Variants in NTAN1 observed in about 807,000 individuals in gnomAD.
NTAN1 encodes protein N-terminal asparagine amidohydrolase.
NTAN1 carries 32 observed loss-of-function variants against 41.9 expected under a neutral mutation model. The ratio of observed to expected loss-of-function variants is 0.76; its 90% CI spans 0.58 to 1.03. The LOEUF (loss-of-function observed/expected upper bound fraction) is 1.03, where lower values mean the gene tolerates loss of function less well. Among genes scored for constraint, NTAN1 ranks in the 50% least tolerant of loss-of-function variants. The pLI is 0.00. For synonymous variants in NTAN1, 140 were observed against 139.5 expected, an observed-to-expected ratio of 1.00 and a Z score of -0.03; for missense variants, 377 against 377.5, an observed-to-expected ratio of 1.00 and a Z score of 0.01.
chr16:15,041,837 A>T (rs976391471), intron 5 of NTAN1, among the ~76,000 whole-genome samples, 161 bp from the exon 6 acceptor site: 3 of 152,194 alleles, frequency 2.0e-5, no homozygotes, highest in Non-Finnish European at 2.9e-5. Context: ...GGGGCCAGAC[A>T]CTAGGGAGCT....
At chr16:15,054,476 T>C (rs1314988828) in intron 1 of NTAN1, among the ~76,000 whole-genome samples, 1 of 152,190 alleles carries the variant, frequency 6.6e-6, no homozygotes, top group African/African-American at 2.4e-5. Context: ...GCGGCTGAAA[T>C]TATTTTTCCT....
chr16:15,047,202 G>A (rs1024169662), intron 4 of NTAN1: 5 of 528,272 alleles, frequency 9.5e-6, no homozygotes, highest in Non-Finnish European at 1.7e-5. Context: ...ACGACATCAA[G>A]TTCAAAGTCA....
intron 8 of NTAN1, among the ~76,000 whole-genome samples, chr16:15,039,337 C>G (rs962797063): frequency 2.6e-5 from 4 of 152,162 alleles, no homozygotes; most frequent in African/African-American, 4.8e-5. Flanking sequence ...GTGAAAACAT[C>G]AGCATTTCAT....
At chr16:15,043,863 G>C (rs761666922) in intron 5 of NTAN1, among the ~76,000 whole-genome samples, 1 of 152,014 alleles carries the variant, frequency 6.6e-6, no homozygotes, top group Non-Finnish European at 1.5e-5. Context: ...CAAGAGAATT[G>C]CTTGAACCCA....
At chr16:15,039,134 G>A (rs2043689119) in intron 8 of NTAN1, among the ~76,000 whole-genome samples, 1 of 152,196 alleles carries the variant, frequency 6.6e-6, no homozygotes. Context: ...AAAAGAAGAA[G>A]CTAATTTGCC....
chr16:15,052,884 C>G (rs1242090084), intron 1 of NTAN1, among the ~76,000 whole-genome samples: 1 of 152,092 alleles, frequency 6.6e-6, no homozygotes, highest in Non-Finnish European at 1.5e-5. Flanking sequence ...CTGCGAGCAT[C>G]TTGTAGACTC....
intron 7 of NTAN1, 46 bp from the exon 8 acceptor site, chr16:15,040,112 C>G: frequency 1.8e-6 from 2 of 1,083,606 alleles, no homozygotes; most frequent in Non-Finnish European, 2.8e-6. Context: ...AAGACCAAAG[C>G]GGAAAGTCTG....
rs372855596 is a variant in NTAN1, at chr16:15,047,601, T to C, written c.251-51A>G. ...AAGTTATTCCCTGATGCGAGTGCAG[T>C]GCGCAGGCCGAGACTCCGCCTGTCC... On this transcript the variant is annotated intron_variant, in intron 3 of 9. Transcript: ENST00000287706. The C allele has an allele frequency of 2.7e-3, 3,625 of 1,335,896 alleles. 11 individuals carry two copies. The highest frequency in any genetic ancestry group is 3.7e-3 in the Non-Finnish European group (3,471 of 925,976). 82.8% of individuals were successfully genotyped at this position (1,335,896 alleles called of 1,614,324 possible).
Position 15,056,032 on chromosome 16 carries a change from G to C in NTAN1, c.-61C>G, listed in dbSNP as rs1267006547. 8 of 823,534 alleles carry C rather than the reference G, an allele frequency of 9.7e-6. No homozygotes were observed. Among genetic ancestry groups the C allele is most frequent in the African/African-American group, 5.5e-5 (3 of 54,860 alleles). 51.0% of individuals were successfully genotyped at this position (823,534 alleles called of 1,614,324 possible). On this transcript the variant is annotated 5_prime_UTR_variant, in exon 1 of 10. Transcript: ENST00000287706. ...GGCGGCCCCCCGCTTTGCAGCCCCG[G>C]GCCGCCCGCCGCCCCCGCCCCTCGG...
At chr16:15,039,256 G>C (rs1597746808) in intron 8 of NTAN1, among the ~76,000 whole-genome samples, 1 of 152,126 alleles carries the variant, frequency 6.6e-6, no homozygotes, top group African/African-American at 2.4e-5. Flanking sequence ...AACTAAACTA[G>C]GCCTGTTACA....
At chr16:15,049,900 T>C (rs2044231117) in intron 1 of NTAN1, among the ~76,000 whole-genome samples, 2 of 152,220 alleles carry the variant, frequency 1.3e-5, no homozygotes, top group African/African-American at 4.8e-5. Flanking sequence ...AAAAATGTTT[T>C]AAAGAGCTAT....
At chr16:15,047,169 A>G (rs1439590620) in intron 4 of NTAN1, 2 of 480,108 alleles carry the variant, frequency 4.2e-6, no homozygotes, top group Non-Finnish European at 7.5e-6. Flanking sequence ...CGATGTGAAA[A>G]TCGCAACCTC....
intron 5 of NTAN1, among the ~76,000 whole-genome samples, chr16:15,042,262 C>G (rs957324974): frequency 6.7e-6 from 1 of 148,960 alleles, no homozygotes; most frequent in South Asian, 2.1e-4. Context: ...CTCTGCTCAT[C>G]GCAGTCTCCA....
At chr16:15,042,544 A>C (rs1249255730) in intron 5 of NTAN1, among the ~76,000 whole-genome samples, 8 of 151,786 alleles carry the variant, frequency 5.3e-5, no homozygotes, top group Non-Finnish European at 1.2e-4. Context: ...TGTAATTCTC[A>C]CCCTTTCATG....
At chr16:15,044,548 G>T in intron 4 of NTAN1, 141 bp from the exon 5 acceptor site, 1 of 658,850 alleles carries the variant, frequency 1.5e-6, no homozygotes, top group Non-Finnish European at 2.7e-6. Context: ...CACCGCAAAA[G>T]AAAGTATCGG....
chr16:15,044,001 A>T (rs2043942720), intron 5 of NTAN1, among the ~76,000 whole-genome samples: 1 of 152,202 alleles, frequency 6.6e-6, no homozygotes, highest in Non-Finnish European at 1.5e-5. Flanking sequence ...TGGTATCATC[A>T]GTGTTTTAAT....
intron 3 of NTAN1, 103 bp downstream of exon 3, chr16:15,047,752 G>A: frequency 9.5e-7 from 1 of 1,052,840 alleles, no homozygotes; most frequent in Admixed American, 1.7e-5. Flanking sequence ...GGTAAGCGGA[G>A]TCCGCTTCCA....
intron 4 of NTAN1, among the ~76,000 whole-genome samples, chr16:15,046,778 G>A (rs1271916833): frequency 6.6e-6 from 1 of 151,312 alleles, no homozygotes; most frequent in African/African-American, 2.4e-5. Context: ...GGGAGGCTGA[G>A]GTCGGAGAAT....
At chr16:15,039,911 C>G in intron 8 of NTAN1, 58 bp downstream of exon 8, 1 of 990,998 alleles carries the variant, frequency 1.0e-6, no homozygotes, top group Non-Finnish European at 1.6e-6. Context: ...AACTTAAGGC[C>G]TTGACATTTG....
Sources: gnomAD v4.1 joint callset for allele counts (sites outside exome capture counted in the v4.1 genomes callset) on GRCh38, gnomAD v4.1.1 for gene constraint, MANE v1.5 for transcripts, NCBI Gene and HGNC (gene_info 2026-07-23, HGNC 2026-07-21) for gene names.